DNAJC5B: variants seen among roughly 807,000 people sequenced by gnomAD.
DNAJC5B encodes DnaJ heat shock protein family (Hsp40) member C5 beta, also known as dnaJ homolog subfamily C member 5B.
DNAJC5B carries 23 observed loss-of-function variants against 24.7 expected under a neutral mutation model. That is an observed-to-expected ratio of 0.93 (90% CI 0.67 to 1.32). The LOEUF is 1.32. DNAJC5B is among the 40% of genes most tolerant of loss of function. DNAJC5B has a pLI of 0.00. For synonymous variants in DNAJC5B, 101 were observed against 90.1 expected, an observed-to-expected ratio of 1.12 and a Z score of -0.68; for missense variants, 238 against 240.8, an observed-to-expected ratio of 0.99 and a Z score of 0.08.
intron 5 of DNAJC5B, among the ~76,000 whole-genome samples, chr8:66,091,179 T>C (rs940442273): frequency 6.6e-6 from 1 of 152,196 alleles, no homozygotes; most frequent in African/African-American, 2.4e-5. Flanking sequence ...GAAGACATAG[T>C]TCCTGGTACT....
chr8:66,089,853 T>C (rs1171264846), intron 5 of DNAJC5B, among the ~76,000 whole-genome samples: 1 of 152,192 alleles, frequency 6.6e-6, no homozygotes, highest in Non-Finnish European at 1.5e-5. Flanking sequence ...GATTCCTATG[T>C]CTTTCTTAAA....
intron 3 of DNAJC5B, among the ~76,000 whole-genome samples, chr8:66,052,007 C>T (rs1806858476): frequency 6.6e-6 from 1 of 151,970 alleles, no homozygotes. Context: ...CTCTGTCGTC[C>T]AGGCTGGAGT....
chr8:66,045,855 G>C (rs149220224), intron 2 of DNAJC5B, among the ~76,000 whole-genome samples: 1 of 152,156 alleles, frequency 6.6e-6, no homozygotes, highest in Non-Finnish European at 1.5e-5. Flanking sequence ...CAGAAACCTC[G>C]GAGTCTTCCT....
chr8:66,033,697 G>A (rs566182914), intron 1 of DNAJC5B, among the ~76,000 whole-genome samples: 1 of 150,664 alleles, frequency 6.6e-6, no homozygotes, highest in East Asian at 2.0e-4. Context: ...CTTCCACAAG[G>A]AAACACAATT....
intron 5 of DNAJC5B, among the ~76,000 whole-genome samples, chr8:66,081,760 G>A (rs576235482): frequency 4.7e-4 from 72 of 152,184 alleles, no homozygotes; most frequent in African/African-American, 1.6e-3. Context: ...TTGAAACCTG[G>A]GACCCCTTGC....
Position 66,077,019 on chromosome 8 carries a change from A to G in DNAJC5B, c.333+146A>G, listed in dbSNP as rs1336951178. The G allele has an allele frequency of 6.5e-6, 5 of 765,244 alleles. No individual in the cohort carries two copies. The East Asian group carries it at 1.1e-4, about 17-fold the overall frequency. The allele number at this position is 765,244 out of a possible 1,614,324, so 47.4% of individuals were successfully genotyped here. A position where few individuals can be genotyped will look rare whatever the true frequency, so the allele number is the denominator to read the frequency against. On this transcript the variant is annotated intron_variant, in intron 4 of 5. Transcript: ENST00000276570. ...GATATTGCTTCCACTGAATGCTATT[A>G]TTTAGGATCATTTCTGGTTTAGCTC...
At chr8:66,050,969 A>G (rs1806831915) in intron 2 of DNAJC5B, among the ~76,000 whole-genome samples, 1 of 152,198 alleles carries the variant, frequency 6.6e-6, no homozygotes, top group Admixed American at 6.5e-5. Context: ...TGTGGTGAGA[A>G]CACTTAAAAT....
At position 66,079,684 on chromosome 8, in the gene DNAJC5B, G is replaced by A. The variant is rs926857723; in HGVS notation, c.334-693G>A. ...TTGGCTGTATCTCAGAGGCAGGAGC[G>A]CCATCACATGGGTTCAAGAGAACAT... is the stretch of plus-strand genomic sequence containing the variant. On this transcript the variant is annotated intron_variant, in intron 4 of 5. Transcript: ENST00000276570. Among the ~76,000 whole-genome samples, 12 of 152,176 alleles carry A rather than the reference G, an allele frequency of 7.9e-5. No individual in the cohort carries two copies. The East Asian group carries it at 1.2e-3, about 15-fold the overall frequency.
chr8:66,084,042 C>T (rs758530614), intron 5 of DNAJC5B, among the ~76,000 whole-genome samples: 25 of 152,098 alleles, frequency 1.6e-4, no homozygotes, highest in Non-Finnish European at 3.4e-4. Flanking sequence ...TGCAGTAAAT[C>T]CAGCACTGCT....
Position 66,076,739 on chromosome 8 carries a change from G to A in DNAJC5B, c.199G>A (p.Ala67Thr). ...TGAGAAGTTTAAAGAAATCAACAAC[G>A]CCCACGCAATACTTACCGACATTTC... ...ATEKFKEINN[A>T]HAILTDISKR... Residue 67 changes from alanine to threonine, a missense_variant, in exon 4 of 6, where the codon GCC (alanine) becomes ACC (threonine). Transcript: ENST00000276570. 1 of 1,614,062 alleles carries A rather than the reference G, an allele frequency of 6.2e-7. No individual in the cohort carries two copies. The highest frequency in any genetic ancestry group is 8.5e-7 in the Non-Finnish European group (1 of 1,180,010).
In DNAJC5B at chr8:66,080,482, C is replaced by A. The variant is rs1287587649; in HGVS notation, c.439C>A (p.Pro147Thr). The change falls in exon 5 of 6, where the codon CCA (proline) becomes ACA (threonine). Residue 147 changes from proline to threonine, a missense_variant. Coordinates refer to ENST00000276570, the MANE Select transcript of DNAJC5B (RefSeq NM_033105.6). Reference sequence around the variant, plus strand: ...ACACTGCCGGCCCGAGTCATCAGTGCCAGAAGAGGACTTCTATGTGTCCCC... The same window carrying A: ...ACACTGCCGGCCCGAGTCATCAGTGACAGAAGAGGACTTCTATGTGTCCCC... ...CGHCRPESSV[P>T]EEDFYVSPED... is the part of the protein sequence containing the mutation. 6.2e-7 allele frequency: 1 copy of A among 1,613,890 alleles called. No homozygotes were observed.
At chr8:66,066,531 A>G (rs1807199724) in intron 3 of DNAJC5B, among the ~76,000 whole-genome samples, 1 of 152,240 alleles carries the variant, frequency 6.6e-6, no homozygotes, top group Non-Finnish European at 1.5e-5. Flanking sequence ...TATATACATC[A>G]TGGAATACTA....
intron 2 of DNAJC5B, among the ~76,000 whole-genome samples, chr8:66,046,687 G>A (rs943128462): frequency 2.0e-5 from 3 of 152,166 alleles, no homozygotes; most frequent in Non-Finnish European, 4.4e-5. Context: ...GCTGCCCCTC[G>A]GGGGCTACAG....
chr8:66,096,382 C>A (rs1807953819), intron 5 of DNAJC5B, among the ~76,000 whole-genome samples: 2 of 152,166 alleles, frequency 1.3e-5, no homozygotes, highest in South Asian at 2.1e-4. Context: ...TGGGGAGACA[C>A]AATTCTGTCC....
At chr8:66,030,636 T>C (rs1460040981) in intron 1 of DNAJC5B, among the ~76,000 whole-genome samples, 4 of 152,066 alleles carry the variant, frequency 2.6e-5, no homozygotes, top group African/African-American at 7.2e-5. Flanking sequence ...ATGTTCTTTT[T>C]TTTTCTTTTC....
chr8:66,099,036 T>TCACACACACACACA (rs34531773), intron 5 of DNAJC5B, among the ~76,000 whole-genome samples: 16 of 146,238 alleles, frequency 1.1e-4, no homozygotes, highest in African/African-American at 4.0e-4. Context: ...TCTCTCTCTG[T>TCACACACACACACA]CACACACACA....
intron 3 of DNAJC5B, among the ~76,000 whole-genome samples, chr8:66,065,518 T>A (rs1478866809): frequency 6.6e-6 from 1 of 152,192 alleles, no homozygotes; most frequent in Non-Finnish European, 1.5e-5. Flanking sequence ...CAGAGACTAA[T>A]CCTGGCCCAG....
chr8:66,052,453 TA>T (rs1204635703), intron 3 of DNAJC5B, among the ~76,000 whole-genome samples: 1 of 152,050 alleles, frequency 6.6e-6, no homozygotes, highest in African/African-American at 2.4e-5. Flanking sequence ...GTCCAAGGAA[TA>T]AAAAAATGTT....
At chr8:66,050,271 G>C (rs1274670835) in intron 2 of DNAJC5B, among the ~76,000 whole-genome samples, 4 of 152,102 alleles carry the variant, frequency 2.6e-5, no homozygotes, top group Non-Finnish European at 5.9e-5. Context: ...GGGTGACAGT[G>C]ACCAAAACCT....
Sources: gnomAD v4.1 joint callset for allele counts (sites outside exome capture counted in the v4.1 genomes callset) on GRCh38, gnomAD v4.1.1 for gene constraint, MANE v1.5 for transcripts, NCBI Gene and HGNC (gene_info 2026-07-23, HGNC 2026-07-21) for gene names.